Variants in FAM117B observed in about 807,000 individuals in gnomAD.
FAM117B encodes protein FAM117B.
In FAM117B, 22 loss-of-function variants were observed where a neutral mutation model predicts 52.8. The ratio of observed to expected loss-of-function variants is 0.42; its 90% CI spans 0.30 to 0.59. The LOEUF (loss-of-function observed/expected upper bound fraction) is 0.59, where lower values mean the gene tolerates loss of function less well. Among genes scored for constraint, FAM117B ranks in the 20% least tolerant of loss-of-function variants. The pLI is 0.22. For synonymous variants in FAM117B, 309 were observed against 324.1 expected (o/e 0.95, Z 0.50); for missense variants, 678 against 802.6 (o/e 0.84, Z 1.88).
At chr2:202,641,982 G>A (rs535938216) in intron 1 of FAM117B, among the ~76,000 whole-genome samples, 10 of 143,662 alleles carry the variant, frequency 7.0e-5, no homozygotes, top group African/African-American at 2.3e-4. Context: ...TTACTCTGTC[G>A]CCCAGGCTGG....
At chr2:202,643,394 G>T (rs1025957464) in intron 1 of FAM117B, among the ~76,000 whole-genome samples, 72 of 152,184 alleles carry the variant, frequency 4.7e-4, no homozygotes, top group African/African-American at 1.7e-3. Flanking sequence ...CTGAGGAGGG[G>T]AAGAGGTAAG....
chr2:202,655,710 G>GAGAC (rs199668361), intron 1 of FAM117B, among the ~76,000 whole-genome samples: 5,775 of 23,782 alleles, frequency 0.24, 264 homozygotes, highest in South Asian at 0.28. Context: ...AAGAGAGTGA[G>GAGAC]AGAGAGAGAG....
At chr2:202,674,847 T>G (rs903330499) in intron 1 of FAM117B, among the ~76,000 whole-genome samples, 1 of 152,244 alleles carries the variant, frequency 6.6e-6, no homozygotes, top group African/African-American at 2.4e-5. Context: ...TCAATCATTT[T>G]AAGATACATG....
At chr2:202,733,633 A>G (rs1691393104) in intron 4 of FAM117B, among the ~76,000 whole-genome samples, 1 of 152,222 alleles carries the variant, frequency 6.6e-6, no homozygotes, top group African/African-American at 2.4e-5. Flanking sequence ...AAGAAGAAAA[A>G]TATGGCTCTA....
chr2:202,729,995 A>T (rs1691314302), intron 4 of FAM117B, among the ~76,000 whole-genome samples: 1 of 152,214 alleles, frequency 6.6e-6, no homozygotes, highest in Non-Finnish European at 1.5e-5. Flanking sequence ...GGATTTAGTG[A>T]TCCAAGTAAG....
intron 7 of FAM117B, among the ~76,000 whole-genome samples, chr2:202,761,631 A>G (rs1446899910): frequency 6.6e-6 from 1 of 152,124 alleles, no homozygotes; most frequent in African/African-American, 2.4e-5. Flanking sequence ...GGTTCAAGCA[A>G]TTCTCCTGTC....
At chr2:202,674,501 C>T (rs1447282055) in intron 1 of FAM117B, among the ~76,000 whole-genome samples, 1 of 152,248 alleles carries the variant, frequency 6.6e-6, no homozygotes. Context: ...CTCTGCTGCA[C>T]TTCTGTTCCC....
At chr2:202,667,462 C>CTG (rs764616974) in intron 1 of FAM117B, among the ~76,000 whole-genome samples, 9 of 151,576 alleles carry the variant, frequency 5.9e-5, no homozygotes, top group African/African-American at 1.7e-4. Context: ...GTCTGTGTGT[C>CTG]TGTGTGTGTG....
At chr2:202,758,738 A>G (rs1287645525) in intron 6 of FAM117B, among the ~76,000 whole-genome samples, 3 of 152,232 alleles carry the variant, frequency 2.0e-5, no homozygotes, top group Non-Finnish European at 2.9e-5. Flanking sequence ...CTTTTGGAAA[A>G]TAAACAGAAC....
At chr2:202,754,146 C>T (rs1449775066) in intron 4 of FAM117B, among the ~76,000 whole-genome samples, 1 of 152,050 alleles carries the variant, frequency 6.6e-6, no homozygotes, top group Non-Finnish European at 1.5e-5. Flanking sequence ...CAATGATAGA[C>T]CAGATAAAGA....
At chr2:202,741,822 C>T (rs908877572) in intron 4 of FAM117B, among the ~76,000 whole-genome samples, 6 of 152,080 alleles carry the variant, frequency 3.9e-5, no homozygotes, top group Non-Finnish European at 5.9e-5. Flanking sequence ...CTTGAGCCAC[C>T]GCGCCTGGCC....
chr2:202,676,950 A>T (rs1023913055), intron 1 of FAM117B, among the ~76,000 whole-genome samples: 2 of 152,096 alleles, frequency 1.3e-5, no homozygotes, highest in African/African-American at 4.8e-5. Flanking sequence ...GAGGAAGGAG[A>T]ATTCTTATTA....
intron 7 of FAM117B, 67 bp from the exon 8 acceptor site, chr2:202,765,379 C>CTTTTTTTTTTTTTTTT: frequency 9.7e-6 from 11 of 1,130,566 alleles, no homozygotes; most frequent in Non-Finnish European, 8.6e-6. Flanking sequence ...TGTTTCCAAG[C>CTTTTTTTTTTTTTTTT]TTTTTTTTTT....
At chr2:202,679,432 A>G (rs1259500370) in intron 1 of FAM117B, among the ~76,000 whole-genome samples, 1 of 152,206 alleles carries the variant, frequency 6.6e-6, no homozygotes, top group Non-Finnish European at 1.5e-5. Context: ...AGAAATCTGA[A>G]TAGGTGTTTT....
intron 1 of FAM117B, among the ~76,000 whole-genome samples, chr2:202,682,746 A>T (rs1415505548): frequency 1.3e-5 from 2 of 152,248 alleles, no homozygotes; most frequent in Non-Finnish European, 2.9e-5. Flanking sequence ...TCAGTAACAG[A>T]AAGATTCTTG....
At chr2:202,710,494 CATA>C (rs1368469786) in intron 2 of FAM117B, among the ~76,000 whole-genome samples, 3 of 151,930 alleles carry the variant, frequency 2.0e-5, no homozygotes, top group Non-Finnish European at 4.4e-5. Flanking sequence ...GATTATAATG[CATA>C]ATAATCACAT....
At chr2:202,749,795 AAG>A (rs1460132521) in intron 4 of FAM117B, among the ~76,000 whole-genome samples, 1 of 152,140 alleles carries the variant, frequency 6.6e-6, no homozygotes, top group African/African-American at 2.4e-5. Flanking sequence ...TAAATAAAAA[AAG>A]AGTAAACAAT....
chr2:202,661,440 T>C (rs1256558217), intron 1 of FAM117B, among the ~76,000 whole-genome samples: 1 of 152,244 alleles, frequency 6.6e-6, no homozygotes, highest in Non-Finnish European at 1.5e-5. Flanking sequence ...TAATGCTAAG[T>C]GTTTTGAATA....
intron 1 of FAM117B, among the ~76,000 whole-genome samples, chr2:202,670,744 G>A (rs1690285618): frequency 6.6e-6 from 1 of 152,144 alleles, no homozygotes; most frequent in South Asian, 2.1e-4. Flanking sequence ...GTTTCATTCT[G>A]CGCCCATTTC....
Sources: allele counts gnomAD v4.1 joint callset (sites outside exome capture counted in the v4.1 genomes callset), GRCh38; gene constraint gnomAD v4.1.1; transcripts MANE v1.5; gene names NCBI Gene and HGNC (gene_info 2026-07-23, HGNC 2026-07-21).